The following RS1 variants were observed in gnomAD, a reference collection of about 807,000 sequenced individuals.
RS1 encodes retinoschisin.
RS1 carries 2 observed loss-of-function variants against 20.8 expected under a neutral mutation model. The ratio of observed to expected loss-of-function variants is 0.10; its 90% CI spans 0.04 to 0.30. The LOEUF is 0.30. Ranked by LOEUF, RS1 falls within the 10% of genes least tolerant of loss-of-function variation. The probability of loss-of-function intolerance (pLI) is 1.00; values close to 1 mark genes in which losing one functional copy is unlikely to be tolerated. For synonymous variants in RS1, 70 were observed against 75.8 expected (o/e 0.92, Z 0.40); for missense variants, 151 against 189.8 (o/e 0.80, Z 1.20).
intron 5 of RS1, among the ~76,000 whole-genome samples, chrX:18,643,452 G>C (rs1399764910): frequency 1.8e-5 from 2 of 112,269 alleles, no homozygotes; most frequent in African/African-American, 6.5e-5. Flanking sequence ...GGTGGAACAG[G>C]CTCCACCAGA....
At chrX:18,648,284 T>G (rs745474713) in intron 3 of RS1, among the ~76,000 whole-genome samples, 87 of 110,383 alleles carry the variant, frequency 7.9e-4, no homozygotes, top group African/African-American at 2.8e-3. Context: ...CGCCCTGTCC[T>G]AGGCTGCAGT....
At chrX:18,657,323 C>T (rs1002697537) in intron 2 of RS1, among the ~76,000 whole-genome samples, 2 of 95,281 alleles carry the variant, frequency 2.1e-5, no homozygotes, top group Admixed American at 1.3e-4. Context: ...TGGGTTCAAG[C>T]GATTCTCTTG....
At chrX:18,654,138 C>G (rs1928164585) in intron 3 of RS1, among the ~76,000 whole-genome samples, 1 of 104,390 alleles carries the variant, frequency 9.6e-6, no homozygotes, top group African/African-American at 3.4e-5. Context: ...ACACATGACT[C>G]TTCTCTCTCT....
At position 18,641,674 on chromosome X, in the gene RS1, G is replaced by T. The variant is rs1927578890; in HGVS notation, c.*330C>A. The stretch of plus-strand genomic sequence containing the variant: ...TTTCAAATTATCAGGGCTGCTTTGT[G>T]TTCCCCTGAGACTGCACCTTTCACA... On this transcript the variant is annotated 3_prime_UTR_variant, in exon 6 of 6. Coordinates refer to ENST00000379984, the MANE Select transcript of RS1 (RefSeq NM_000330.4). 2 of 268,131 alleles carry T rather than the reference G, an allele frequency of 7.5e-6. No individual in the cohort carries two copies. The highest frequency in any genetic ancestry group is 1.1e-4 in the Admixed American group (2 of 17,767). The allele number at this position is 268,131 out of a possible 1,213,427, so 22.1% of individuals were successfully genotyped here. A position where few individuals can be genotyped will look rare whatever the true frequency, so the allele number is the denominator to read the frequency against.
chrX:18,671,326 G>C (rs1245522073), intron 1 of RS1, among the ~76,000 whole-genome samples: 1 of 112,244 alleles, frequency 8.9e-6, no homozygotes, highest in African/African-American at 3.2e-5. Context: ...AATTGAGAGA[G>C]GCATGAAAGA....
At chrX:18,651,311 G>A (rs889735146) in intron 3 of RS1, among the ~76,000 whole-genome samples, 4 of 109,512 alleles carry the variant, frequency 3.7e-5, no homozygotes, top group Admixed American at 3.0e-4. Context: ...GAGAGAGACA[G>A]AGAGGGATGT....
At position 18,640,579 on chromosome X, in the gene RS1, A is replaced by C. The variant is rs1341297351; in HGVS notation, c.*1425T>G. 9.0e-6 allele frequency: 1 copy of C among 110,763 alleles called. No individual in the cohort carries two copies. The highest frequency in any genetic ancestry group is 1.9e-5 in the Non-Finnish European group (1 of 52,868). 9.1% of individuals were successfully genotyped at this position (110,763 alleles called of 1,213,427 possible). A position where few individuals can be genotyped will look rare whatever the true frequency, so the allele number is the denominator to read the frequency against. On this transcript the variant is annotated 3_prime_UTR_variant, in exon 6 of 6. Coordinates refer to ENST00000379984, the MANE Select transcript of RS1 (RefSeq NM_000330.4). ...TGGATATAAAATAATTGAGCCCCCA[A>C]AGCATCAAGAAGGATGTTTGGGGCT...
intron 5 of RS1, among the ~76,000 whole-genome samples, chrX:18,642,988 T>C (rs1602309584): frequency 9.0e-6 from 1 of 111,381 alleles, no homozygotes; most frequent in East Asian, 2.8e-4. Flanking sequence ...GAGGTTACAG[T>C]GAGCTGAGAT....
chrX:18,646,290 A>G (rs984456662), intron 4 of RS1, among the ~76,000 whole-genome samples: 2 of 111,447 alleles, frequency 1.8e-5, no homozygotes, highest in African/African-American at 6.5e-5. Flanking sequence ...AGTAGCTGGG[A>G]TTATAGCCAC....
At position 18,650,539 on chromosome X, in the gene RS1, C is replaced by T. The variant is rs587783161; in HGVS notation, c.185-3207G>A. On this transcript the variant is annotated intron_variant, in intron 3 of 5. Transcript: ENST00000379984. ...CAGGTCCGAGGCACTTCCATGTGCC[C>T]GACACTCCAGGTCCGAGGCACTGAT... The T allele has an allele frequency of 3.8e-5, 46 of 1,210,567 alleles. No homozygotes were observed. Among genetic ancestry groups the T allele is most frequent in the South Asian group, 8.8e-5 (5 of 56,879 alleles).
rs766007270 is a variant in RS1, at chrX:18,644,474, G to A, written c.478C>T (p.Arg160Cys). The change falls in exon 5 of 6, where the codon CGC (arginine) becomes TGC (cysteine). Residue 160 changes from arginine (R) to cysteine (C), a missense_variant. Coordinates refer to ENST00000379984, the MANE Select transcript of RS1 (RefSeq NM_000330.4). The part of the protein sequence containing the change: ...KYSVQYRTDE[R>C]LNWIYYKDQT... ...TCCTTGTAGTAAATCCAGTTCAGGC[G>A]CTCATCGGTCCTGTACTGCACGCTG... is the stretch of plus-strand genomic sequence containing the variant. 2.8e-5 allele frequency: 34 copies of A among 1,209,295 alleles called. No homozygotes were observed. The South Asian group carries it at 3.7e-4, about 13-fold the overall frequency.
At chrX:18,651,952 G>A (rs1020090892) in intron 3 of RS1, among the ~76,000 whole-genome samples, 3 of 108,535 alleles carry the variant, frequency 2.8e-5, no homozygotes, top group Admixed American at 2.0e-4. Context: ...ACACCCCTCC[G>A]CCTGGCCCCC....
At chrX:18,653,628 A>G in intron 3 of RS1, 1 of 1,101,617 alleles carries the variant, frequency 9.1e-7, no homozygotes, top group Non-Finnish European at 1.2e-6. Context: ...ATCAACCATT[A>G]ACGCTGAGGT....
At chrX:18,653,943 G>C (rs1206706827) in intron 3 of RS1, among the ~76,000 whole-genome samples, 1 of 109,287 alleles carries the variant, frequency 9.2e-6, no homozygotes, top group Non-Finnish European at 1.9e-5. Context: ...ACTCCAGCCT[G>C]GGAGACAGAG....
At chrX:18,666,800 G>A (rs1291269478) in intron 1 of RS1, among the ~76,000 whole-genome samples, 1 of 110,814 alleles carries the variant, frequency 9.0e-6, no homozygotes, top group African/African-American at 3.3e-5. Flanking sequence ...GGCAGGGGTG[G>A]GGGTGTGAAA....
At chrX:18,653,640 G>C in intron 3 of RS1, 1 of 1,080,855 alleles carries the variant, frequency 9.3e-7, no homozygotes, top group Non-Finnish European at 1.3e-6. Flanking sequence ...CGCTGAGGTT[G>C]AGTTTTCCTT....
intron 1 of RS1, among the ~76,000 whole-genome samples, chrX:18,658,995 A>T (rs1370172397): frequency 1.8e-5 from 2 of 111,685 alleles, no homozygotes; most frequent in Admixed American, 1.9e-4. Context: ...AATGTGGGAA[A>T]ATTGAAAGTG....
intron 3 of RS1, among the ~76,000 whole-genome samples, chrX:18,651,900 A>C (rs1038595445): frequency 9.1e-6 from 1 of 110,407 alleles, no homozygotes; most frequent in African/African-American, 3.3e-5. Context: ...TCAGGTCCAC[A>C]TGTGGCCTGC....
At chrX:18,670,922 T>C (rs762265635) in intron 1 of RS1, among the ~76,000 whole-genome samples, 1 of 112,131 alleles carries the variant, frequency 8.9e-6, no homozygotes, top group South Asian at 3.7e-4. Context: ...CACCAGTCTT[T>C]CCAAATACTG....
Sources: allele counts gnomAD v4.1 joint callset (sites outside exome capture counted in the v4.1 genomes callset), GRCh38; gene constraint gnomAD v4.1.1; transcripts MANE v1.5; gene names NCBI Gene and HGNC (gene_info 2026-07-23, HGNC 2026-07-21).